Variants in SLC25A36 observed in about 807,000 individuals in gnomAD.
SLC25A36 encodes the protein solute carrier family 25 member 36, also known as epididymis secretory sperm binding protein.
A neutral mutation model predicts 35.3 loss-of-function variants in SLC25A36; 24 were observed. The ratio of observed to expected loss-of-function variants is 0.68; its 90% CI spans 0.49 to 0.96. The LOEUF is 0.96. SLC25A36 is among the 40% of genes least tolerant of loss of function. The pLI is 0.00. For missense variants in SLC25A36, 294 were observed against 381.1 expected (o/e 0.77, Z 1.90); for synonymous variants, 141 against 132.2 (o/e 1.07, Z -0.46).
At chr3:140,947,734 T>A (rs1272779449) in intron 1 of SLC25A36, among the ~76,000 whole-genome samples, 2 of 152,226 alleles carry the variant, frequency 1.3e-5, no homozygotes, top group African/African-American at 4.8e-5. Context: ...CTTAAAAAAA[T>A]GCTGTGTTAT....
chr3:140,959,554 A>G lies in SLC25A36; in HGVS notation c.284+14A>G. The G allele has an allele frequency of 7.2e-7, 1 of 1,387,926 alleles. No individual in the cohort carries two copies. Among genetic ancestry groups the G allele is most frequent in the Non-Finnish European group, 9.5e-7 (1 of 1,055,920 alleles). The allele number at this position is 1,387,926 out of a possible 1,614,324, so 86.0% of individuals were successfully genotyped here. ...AGCCCCTTCCAGGTAAAAAAAAAAA[A>G]AAATTGTTTAAAGCAAGTTATGGCA... On this transcript the variant is annotated intron_variant, in intron 3 of 6. Transcript: ENST00000324194.
At chr3:140,947,985 C>T (rs1204055840) in intron 1 of SLC25A36, among the ~76,000 whole-genome samples, 9 of 152,138 alleles carry the variant, frequency 5.9e-5, no homozygotes, top group Non-Finnish European at 2.9e-5. Context: ...TGGAGTTTCA[C>T]TCTTGTTGCC....
chr3:140,946,110 G>A (rs941777330), intron 1 of SLC25A36, among the ~76,000 whole-genome samples: 5 of 152,072 alleles, frequency 3.3e-5, no homozygotes, highest in African/African-American at 4.8e-5. Context: ...ATCGACAACC[G>A]GACAGCAAGA....
At chr3:140,965,613 G>T (rs1934739578) in intron 4 of SLC25A36, 1 of 151,778 alleles carries the variant, frequency 6.6e-6, no homozygotes. Context: ...TAAAAGGACA[G>T]TTTATTTAAA....
chr3:140,951,201 G>A (rs1235772223), intron 1 of SLC25A36, among the ~76,000 whole-genome samples: 1 of 152,084 alleles, frequency 6.6e-6, no homozygotes, highest in African/African-American at 2.4e-5. Context: ...GGGCCTCTCT[G>A]TTCTTCTGGC....
intron 4 of SLC25A36, chr3:140,965,138 A>T (rs1459347643): frequency 6.6e-6 from 1 of 151,828 alleles, no homozygotes; most frequent in East Asian, 1.9e-4. Context: ...TCTGTGCACT[A>T]TTCATGAGCA....
At chr3:140,968,108 T>G in intron 4 of SLC25A36, 1 of 984,860 alleles carries the variant, frequency 1.0e-6, no homozygotes, top group African/African-American at 1.7e-5. Flanking sequence ...TAATGCTAAG[T>G]TACGATAAAT....
intron 3 of SLC25A36, among the ~76,000 whole-genome samples, chr3:140,959,893 G>T (rs1341754024): frequency 1.3e-5 from 2 of 152,026 alleles, no homozygotes; most frequent in Non-Finnish European, 2.9e-5. Context: ...TTATACTGGG[G>T]GAAAATAATA....
In SLC25A36 at chr3:140,975,097, C is replaced by CTTTTTTTTTTTTTT. The variant is rs10662120; in HGVS notation, c.742+1109_742+1122dup. 4.7e-3 allele frequency among the ~76,000 whole-genome samples: 257 copies of CTTTTTTTTTTTTTT among 55,200 alleles called. 86 individuals are homozygous for CTTTTTTTTTTTTTT. Among genetic ancestry groups the CTTTTTTTTTTTTTT allele is most frequent in the South Asian group, 8.0e-3 (7 of 878 alleles). 36.2% of individuals were successfully genotyped at this position (55,200 alleles called of 152,430 possible). On this transcript the variant is annotated intron_variant, in intron 6 of 6. Coordinates refer to ENST00000324194, the MANE Select transcript of SLC25A36 (RefSeq NM_001104647.3). Reference sequence around the variant, plus strand: ...GTACAGTTGATAAACAAGATACATTCTTTTTTTTTTTTTTTTTTTTTTTTT... The same window carrying CTTTTTTTTTTTTTT: ...GTACAGTTGATAAACAAGATACATTCTTTTTTTTTTTTTTTTTTTTTTTTTTTTTTTTTTTTTTT...
chr3:140,968,268 G>T (rs963247129), intron 4 of SLC25A36: 1 of 890,086 alleles, frequency 1.1e-6, no homozygotes, highest in African/African-American at 1.8e-5. Context: ...GTTTTTAGCG[G>T]TAAAGGGCTA....
At chr3:140,946,249 A>C (rs1934161007) in intron 1 of SLC25A36, among the ~76,000 whole-genome samples, 1 of 152,224 alleles carries the variant, frequency 6.6e-6, no homozygotes. Flanking sequence ...ATGATGATGA[A>C]TCTTACTGAG....
At chr3:140,951,743 C>T (rs1293307042) in intron 1 of SLC25A36, among the ~76,000 whole-genome samples, 1 of 152,154 alleles carries the variant, frequency 6.6e-6, no homozygotes, top group African/African-American at 2.4e-5. Flanking sequence ...GATCCGGCTT[C>T]CTCGGTCTCC....
At chr3:140,975,652 T>C (rs1935024218) in intron 6 of SLC25A36, among the ~76,000 whole-genome samples, 1 of 152,186 alleles carries the variant, frequency 6.6e-6, no homozygotes, top group Non-Finnish European at 1.5e-5. Flanking sequence ...TTCTCACCTT[T>C]TAAAATGAGG....
In SLC25A36 at chr3:140,942,020, C is replaced by T. The variant is rs995972060; in HGVS notation, c.-35C>T. ...CGTAGCGGGCGGCCAGATCCGCGTC[C>T]CGCCTCAGCGGCCGGAGGACATGCG... On this transcript the variant is annotated 5_prime_UTR_variant, in exon 1 of 7. Coordinates refer to ENST00000324194, the MANE Select transcript of SLC25A36 (RefSeq NM_001104647.3). 2 of 1,315,676 alleles carry T rather than the reference C, an allele frequency of 1.5e-6. No individual in the cohort carries two copies. Among genetic ancestry groups the T allele is most frequent in the Admixed American group, 2.0e-5 (1 of 48,926 alleles). 81.5% of individuals were successfully genotyped at this position (1,315,676 alleles called of 1,614,324 possible). A position where few individuals can be genotyped will look rare whatever the true frequency, so the allele number is the denominator to read the frequency against.
chr3:140,980,757 A>G lies in SLC25A36; in HGVS notation c.*4304A>G, dbSNP rs1212969828. ...CTCTTGTCACCCATGCTGGAGTGCA[A>G]TGACATGATCTCAGGTCACTGCAAC... On this transcript the variant is annotated 3_prime_UTR_variant, in exon 7 of 7. Transcript: ENST00000324194. Among the ~76,000 whole-genome samples the G allele has an allele frequency of 1.5e-5, 2 of 133,800 alleles. No homozygotes were observed. The highest frequency in any genetic ancestry group is 2.4e-4 in the East Asian group (1 of 4,106). 87.8% of individuals were successfully genotyped at this position (133,800 alleles called of 152,430 possible). A position where few individuals can be genotyped will look rare whatever the true frequency, so the allele number is the denominator to read the frequency against.
intron 1 of SLC25A36, among the ~76,000 whole-genome samples, chr3:140,944,325 TG>T (rs1934106710): frequency 6.6e-6 from 1 of 152,214 alleles, no homozygotes; most frequent in Non-Finnish European, 1.5e-5. Context: ...CACTGGACCT[TG>T]GTTCTGGGTG....
At chr3:140,945,289 ATC>A (rs1220919133) in intron 1 of SLC25A36, among the ~76,000 whole-genome samples, 5 of 152,180 alleles carry the variant, frequency 3.3e-5, no homozygotes, top group Non-Finnish European at 5.9e-5. Flanking sequence ...TCCTAATACT[ATC>A]ACCTTGGGAT....
chr3:140,965,558 C>T (rs1287710831), intron 4 of SLC25A36: 2 of 151,648 alleles, frequency 1.3e-5, no homozygotes, highest in Non-Finnish European at 3.0e-5. Flanking sequence ...TGCATTTTAT[C>T]CATATGAACT....
chr3:140,959,658 T>G, intron 3 of SLC25A36, 118 bp downstream of exon 3: 1 of 459,744 alleles, frequency 2.2e-6, no homozygotes, highest in Non-Finnish European at 3.8e-6. Context: ...TCAATGTTTA[T>G]GGGAAGTTAA....
Sources: gnomAD v4.1 joint callset for allele counts (sites outside exome capture counted in the v4.1 genomes callset) on GRCh38, gnomAD v4.1.1 for gene constraint, MANE v1.5 for transcripts, NCBI Gene and HGNC (gene_info 2026-07-23, HGNC 2026-07-21) for gene names.